Variants in CLYBL observed in about 807,000 individuals in gnomAD.
The protein encoded by CLYBL is citramalyl-CoA lyase.
Under a neutral mutation model 38.9 loss-of-function variants are expected in CLYBL, and 31 were observed. The observed-to-expected ratio is 0.80, with a 90% confidence interval of 0.60 to 1.08. The LOEUF is 1.08. Ranked by LOEUF, CLYBL falls within the 50% of genes least tolerant of loss-of-function variation. CLYBL has a pLI of 0.00. For synonymous variants in CLYBL, 171 were observed against 158.6 expected (o/e 1.08, Z -0.59); for missense variants, 434 against 411.6 (o/e 1.05, Z -0.47).
At chr13:99,722,737 G>A (rs1384285317) in intron 1 of CLYBL, among the ~76,000 whole-genome samples, 1 of 152,156 alleles carries the variant, frequency 6.6e-6, no homozygotes, top group African/African-American at 2.4e-5. Flanking sequence ...AAGAGAATAG[G>A]GCTTCTTCTA....
intron 1 of CLYBL, among the ~76,000 whole-genome samples, chr13:99,655,879 C>T (rs1367135758): frequency 2.6e-5 from 4 of 152,192 alleles, no homozygotes; most frequent in African/African-American, 9.7e-5. Context: ...AATTATTTCC[C>T]CCCAGAAAGG....
chr13:99,854,578 G>A (rs79833402), intron 2 of CLYBL, among the ~76,000 whole-genome samples: 4,982 of 152,054 alleles, frequency 0.033, 124 homozygotes, highest in Middle Eastern at 0.061. Context: ...CCGCCCTGCC[G>A]CGAGGGACCA....
intron 2 of CLYBL, among the ~76,000 whole-genome samples, chr13:99,807,002 G>A (rs1239872511): frequency 6.6e-6 from 1 of 152,216 alleles, no homozygotes; most frequent in African/African-American, 2.4e-5. Flanking sequence ...GATGTACAGA[G>A]ACCCTATTAG....
At chr13:99,663,561 A>G (rs1157719651) in intron 1 of CLYBL, among the ~76,000 whole-genome samples, 1 of 152,184 alleles carries the variant, frequency 6.6e-6, no homozygotes, top group Admixed American at 6.5e-5. Context: ...AGTTCGGGAC[A>G]TGCCTTGGTT....
intron 1 of CLYBL, among the ~76,000 whole-genome samples, chr13:99,649,071 C>T (rs923919834): frequency 4.6e-5 from 7 of 151,822 alleles, no homozygotes; most frequent in African/African-American, 1.7e-4. Flanking sequence ...TCATTTTTCT[C>T]GGACAGCCAA....
At chr13:99,757,167 T>C (rs1224735786) in intron 1 of CLYBL, among the ~76,000 whole-genome samples, 2 of 152,232 alleles carry the variant, frequency 1.3e-5, no homozygotes, top group Non-Finnish European at 2.9e-5. Context: ...CCCAAAGTGC[T>C]GGCATTACAG....
At chr13:99,816,944 T>C (rs1594200638) in intron 2 of CLYBL, among the ~76,000 whole-genome samples, 1 of 151,948 alleles carries the variant, frequency 6.6e-6, no homozygotes, top group South Asian at 2.1e-4. Flanking sequence ...GCGGATAGGG[T>C]TTTACTTCCT....
In CLYBL at chr13:99,846,140, C is replaced by A. The variant is rs373590310; in HGVS notation, c.250-12721C>A. Among the ~76,000 whole-genome samples, 69 of 152,082 alleles carry A rather than the reference C, an allele frequency of 4.5e-4. 1 individual carries two copies. The East Asian group carries it at 0.012, about 26-fold the overall frequency. On this transcript the variant is annotated intron_variant, in intron 2 of 8. Transcript: ENST00000339105. The stretch of plus-strand genomic sequence containing the variant: ...TCCAGCCTGGGCCAGCAGAGCAAGA[C>A]CCTGTCTCTACAAAATACATAAGTA...
At chr13:99,763,718 C>T (rs1444950284) in intron 1 of CLYBL, among the ~76,000 whole-genome samples, 1 of 151,972 alleles carries the variant, frequency 6.6e-6, no homozygotes, top group Non-Finnish European at 1.5e-5. Flanking sequence ...CCACGCCCGG[C>T]TAATTTTTGT....
intron 2 of CLYBL, among the ~76,000 whole-genome samples, chr13:99,829,686 G>A (rs886221216): frequency 6.6e-6 from 1 of 152,208 alleles, no homozygotes; most frequent in African/African-American, 2.4e-5. Flanking sequence ...TTAAAGTAGG[G>A]ACATTAGCTC....
chr13:99,848,867 C>T (rs960250225), intron 2 of CLYBL, among the ~76,000 whole-genome samples: 4 of 152,248 alleles, frequency 2.6e-5, no homozygotes, highest in South Asian at 4.1e-4. Flanking sequence ...GGCTGAGTAC[C>T]GTGGCTCACG....
exon 9 of CLYBL, among the ~76,000 whole-genome samples, chr13:99,905,374 C>A (rs1232414516): frequency 6.6e-6 from 1 of 152,218 alleles, no homozygotes; most frequent in Admixed American, 6.5e-5. Flanking sequence ...CCCTCCAGCA[C>A]ACATTTACTG....
chr13:99,810,012 A>C (rs2050309816), intron 2 of CLYBL, among the ~76,000 whole-genome samples: 2 of 152,272 alleles, frequency 1.3e-5, no homozygotes, highest in Admixed American at 1.3e-4. Flanking sequence ...TCCATTCTAC[A>C]TTAGAATAGC....
chr13:99,617,621 C>T (rs796498160), intron 1 of CLYBL, among the ~76,000 whole-genome samples: 3 of 104,236 alleles, frequency 2.9e-5, no homozygotes, highest in African/African-American at 1.1e-4. Flanking sequence ...AGTCTGCAGG[C>T]TGCCCTCACG....
chr13:99,697,850 G>T (rs1246603006), intron 1 of CLYBL, among the ~76,000 whole-genome samples: 1 of 151,952 alleles, frequency 6.6e-6, no homozygotes, highest in Non-Finnish European at 1.5e-5. Flanking sequence ...GTTTCACCAT[G>T]TTGGCCAGGC....
chr13:99,654,238 C>T (rs1263782944), intron 1 of CLYBL, among the ~76,000 whole-genome samples: 2 of 152,208 alleles, frequency 1.3e-5, no homozygotes, highest in Non-Finnish European at 2.9e-5. Context: ...AGCTGGGCAT[C>T]CATGGACCTC....
chr13:99,736,229 G>A (rs888302522), intron 1 of CLYBL, among the ~76,000 whole-genome samples: 6 of 151,644 alleles, frequency 4.0e-5, no homozygotes, highest in African/African-American at 7.3e-5. Flanking sequence ...ATTTTTAGTA[G>A]AGATGGGGTT....
chr13:99,663,340 T>G (rs1220031524), intron 1 of CLYBL, among the ~76,000 whole-genome samples: 2 of 152,202 alleles, frequency 1.3e-5, no homozygotes, highest in African/African-American at 4.8e-5. Flanking sequence ...ATAGGGCCAC[T>G]TTACGTGGCT....
intron 1 of CLYBL, among the ~76,000 whole-genome samples, chr13:99,764,305 T>G (rs1654323006): frequency 6.6e-6 from 1 of 152,068 alleles, no homozygotes; most frequent in Admixed American, 6.6e-5. Context: ...TTGAAGAATT[T>G]GCGTAAAATT....
Sources: gnomAD v4.1 joint callset for allele counts (sites outside exome capture counted in the v4.1 genomes callset) on GRCh38, gnomAD v4.1.1 for gene constraint, MANE v1.5 for transcripts, NCBI Gene and HGNC (gene_info 2026-07-23, HGNC 2026-07-21) for gene names.